CACNA1C: variants seen among roughly 807,000 people sequenced by gnomAD.
CACNA1C encodes the protein calcium voltage-gated channel subunit alpha1 C, also known as voltage-dependent L-type calcium channel subunit alpha-1C.
CACNA1C carries 30 observed loss-of-function variants against 229.0 expected under a neutral mutation model. The observed-to-expected ratio is 0.13, with a 90% CI of 0.10 to 0.18. CACNA1C has a LOEUF of 0.18. Ranked by LOEUF, CACNA1C falls within the 10% of genes least tolerant of loss-of-function variation. CACNA1C has a pLI of 1.00. For synonymous variants in CACNA1C, 1,114 were observed against 1,132.5 expected (o/e 0.98, Z 0.33); for missense variants, 1,658 against 2,845.0 (o/e 0.58, Z 9.49).
intron 9 of CACNA1C, among the ~76,000 whole-genome samples, chr12:2,541,175 G>A (rs1214068254): frequency 1.3e-5 from 2 of 152,078 alleles, no homozygotes; most frequent in Admixed American, 1.3e-4. Flanking sequence ...CTCCAAACAT[G>A]GCTACGCTCA....
intron 6 of CACNA1C, among the ~76,000 whole-genome samples, chr12:2,489,461 C>T (rs1260665410): frequency 2.6e-5 from 4 of 152,176 alleles, no homozygotes; most frequent in South Asian, 4.1e-4. Flanking sequence ...ATCTGCAAGG[C>T]GCCTTCTCAG....
intron 1 of CACNA1C, among the ~76,000 whole-genome samples, chr12:2,075,141 C>T (rs2062733845): frequency 6.6e-6 from 1 of 152,192 alleles, no homozygotes; most frequent in Non-Finnish European, 1.5e-5. Context: ...CTCTCCTTAG[C>T]CCAGGCCTCC....
Position 2,137,062 on chromosome 12 carries a change from G to A in CACNA1C, c.477+16632G>A, listed in dbSNP as rs189129088. Among the ~76,000 whole-genome samples, 25 of 151,456 alleles carry A rather than the reference G, an allele frequency of 1.7e-4. No homozygotes were observed. In the East Asian group the frequency reaches 4.1e-3, roughly 25 times the overall value. ...GAGCATAACATGTGGGGGACCCCAC[G>A]GCGCCCCGCCCAGGTGAGAGCAGTC... On this transcript the variant is annotated intron_variant, in intron 3 of 46. Transcript: ENST00000399655.
intron 5 of CACNA1C, among the ~76,000 whole-genome samples, chr12:2,477,683 G>T (rs1275390418): frequency 1.3e-5 from 2 of 152,142 alleles, no homozygotes; most frequent in Non-Finnish European, 2.9e-5. Flanking sequence ...CTTCCCTGCA[G>T]GTCTGGGCTG....
At chr12:2,072,494 C>T (rs1459101511) in intron 1 of CACNA1C, among the ~76,000 whole-genome samples, 5 of 152,128 alleles carry the variant, frequency 3.3e-5, no homozygotes, top group African/African-American at 1.2e-4. Flanking sequence ...GCCACTGCAC[C>T]CAGCCTGACA....
rs569299553 is a variant in CACNA1C, at chr12:2,524,527, A to C, written c.1390+11543A>C. ...GGACCATTGTAATAAGCAGCCCCCA[A>C]ATGAAATCTCAGTTGCTTAGTACAG... On this transcript the variant is annotated intron_variant, in intron 9 of 46. Transcript: ENST00000399655. Among the ~76,000 whole-genome samples the C allele has an allele frequency of 2.6e-5, 4 of 152,334 alleles. No individual in the cohort carries two copies. The South Asian group carries it at 8.3e-4, about 32-fold the overall frequency.
intron 3 of CACNA1C, among the ~76,000 whole-genome samples, chr12:2,226,126 C>CGCACACAA (rs1491114982): frequency 5.9e-4 from 1 of 1,698 alleles, no homozygotes; most frequent in Non-Finnish European, 8.8e-4. Context: ...TGGGGACGCG[C>CGCACACAA]ACACACACAC....
At chr12:2,254,865 C>T (rs1429842136) in intron 3 of CACNA1C, among the ~76,000 whole-genome samples, 1 of 152,224 alleles carries the variant, frequency 6.6e-6, no homozygotes, top group Non-Finnish European at 1.5e-5. Flanking sequence ...TTCATATCCC[C>T]CCGTCCTCTC....
At chr12:2,369,105 G>GC (rs1423461373) in intron 3 of CACNA1C, among the ~76,000 whole-genome samples, 1 of 152,176 alleles carries the variant, frequency 6.6e-6, no homozygotes, top group Non-Finnish European at 1.5e-5. Context: ...ATAAAATAAT[G>GC]CATCAGTCAA....
rs141391468 is a variant in CACNA1C, at chr12:2,470,148, A to G, written c.757+12442A>G. Among the ~76,000 whole-genome samples, 822 of 152,336 alleles carry G rather than the reference A, an allele frequency of 5.4e-3. 12 individuals are homozygous for G. The highest frequency in any genetic ancestry group is 0.019 in the African/African-American group (793 of 41,578). On this transcript the variant is annotated intron_variant, in intron 5 of 46. Transcript: ENST00000399655. ...AATATAGTAAGCAATCACACAGCCC[A>G]GAGGTGGGAGAGTAGGTCCTAAAAT...
At chr12:2,685,122 C>T (rs2097378929) in intron 43 of CACNA1C, among the ~76,000 whole-genome samples, 1 of 152,174 alleles carries the variant, frequency 6.6e-6, no homozygotes, top group Non-Finnish European at 1.5e-5. Context: ...GGTTTCATTC[C>T]ATCAGGTGTG....
At chr12:2,185,314 C>G (rs76626694) in intron 3 of CACNA1C, among the ~76,000 whole-genome samples, 1 of 152,208 alleles carries the variant, frequency 6.6e-6, no homozygotes, top group Non-Finnish European at 1.5e-5. Flanking sequence ...CTCCCCACCC[C>G]GTCTACTCTC....
intron 3 of CACNA1C, among the ~76,000 whole-genome samples, chr12:2,422,652 C>T (rs969265530): frequency 6.6e-6 from 1 of 152,176 alleles, no homozygotes; most frequent in African/African-American, 2.4e-5. Context: ...CTAAAGTGCC[C>T]TTGTTTGAGT....
intron 3 of CACNA1C, among the ~76,000 whole-genome samples, chr12:2,389,636 A>G (rs1399052983): frequency 6.6e-6 from 1 of 152,172 alleles, no homozygotes. Context: ...GCCTCATTTC[A>G]TTGATGACTG....
At chr12:2,523,108 A>G (rs998510472) in intron 9 of CACNA1C, among the ~76,000 whole-genome samples, 3 of 117,376 alleles carry the variant, frequency 2.6e-5, no homozygotes, top group Non-Finnish European at 3.3e-5. Context: ...AAGCAGGTGG[A>G]CGGAGAAAGG....
rs2043623200 is a variant in CACNA1C, at chr12:2,007,224, G to A, written c.139+36023G>A. 2.0e-5 allele frequency among the ~76,000 whole-genome samples: 3 copies of A among 152,270 alleles called. No individual in the cohort carries two copies. In the South Asian group the frequency reaches 6.2e-4, roughly 32 times the overall value. On this transcript the variant is annotated intron_variant, in intron 1 of 46. Coordinates refer to the CACNA1C transcript ENST00000682462. ...TCCCTCGTACATATAATGAGGCATT[G>A]TTTTTCTTTTGTCTGTTAAGTTCCA...
At chr12:2,404,617 G>T (rs2098715338) in intron 3 of CACNA1C, among the ~76,000 whole-genome samples, 1 of 152,256 alleles carries the variant, frequency 6.6e-6, no homozygotes, top group African/African-American at 2.4e-5. Context: ...AAGTGCCCAG[G>T]CAGAAAGCGG....
chr12:2,569,665 T>A (rs548300641), intron 13 of CACNA1C, among the ~76,000 whole-genome samples: 1 of 152,378 alleles, frequency 6.6e-6, no homozygotes, highest in East Asian at 1.9e-4. Context: ...ATTGTAGGGA[T>A]ATACTACATT....
rs1446780185 is a variant in CACNA1C, at chr12:2,029,459, G to A, written c.139+58258G>A. Among the ~76,000 whole-genome samples the A allele has an allele frequency of 2.0e-5, 3 of 152,118 alleles. No homozygotes were observed. The highest frequency in any genetic ancestry group is 2.1e-4 in the South Asian group (1 of 4,818). ...CTCACCCAGGGCCCTGGCAGCCACC[G>A]CTCTGCTTTCTGTCTCCGTGGATTT... is the stretch of plus-strand genomic sequence containing the variant. On this transcript the variant is annotated intron_variant, in intron 1 of 46. Coordinates refer to the CACNA1C transcript ENST00000682462. This position sits in a 1 kb window ranked among gnomAD's most constrained non-coding sequence, Gnocchi z 4.9.
Sources: allele counts gnomAD v4.1 joint callset (sites outside exome capture counted in the v4.1 genomes callset), GRCh38; gene constraint gnomAD v4.1.1; non-coding constraint Gnocchi (gnomAD v3.1); transcripts MANE v1.5; gene names NCBI Gene and HGNC (gene_info 2026-07-23, HGNC 2026-07-21).